Variants in KCNT2 observed in about 807,000 individuals in gnomAD.
KCNT2 encodes the protein potassium sodium-activated channel subfamily T member 2.
In KCNT2, 67 loss-of-function variants were observed where a neutral mutation model predicts 153.8. The observed-to-expected ratio is 0.44, with a 90% CI of 0.36 to 0.53. KCNT2 has a LOEUF of 0.53. KCNT2 is among the 20% of genes least tolerant of loss of function. The pLI, the probability that KCNT2 is intolerant of heterozygous loss-of-function variation, is 0.00. For missense variants in KCNT2, 975 were observed against 1,354.8 expected (o/e 0.72, Z 4.40); for synonymous variants, 500 against 458.8 (o/e 1.09, Z -1.15).
At chr1:196,381,501 A>T (rs1669488338) in intron 13 of KCNT2, among the ~76,000 whole-genome samples, 1 of 152,030 alleles carries the variant, frequency 6.6e-6, no homozygotes, top group Admixed American at 6.6e-5. Context: ...AAGTTCTATG[A>T]TATATATTGT....
intron 16 of KCNT2, among the ~76,000 whole-genome samples, chr1:196,335,714 T>C (rs559966204): frequency 2.8e-4 from 43 of 152,250 alleles, no homozygotes; most frequent in African/African-American, 9.9e-4. Context: ...TTCACTTCCA[T>C]AGTGATTTTT....
chr1:196,567,464 A>AT (rs1260378495), intron 1 of KCNT2, among the ~76,000 whole-genome samples: 7 of 152,164 alleles, frequency 4.6e-5, no homozygotes, highest in South Asian at 4.1e-4. Context: ...CGGATCTTCT[A>AT]TTTTTTCTTT....
At chr1:196,327,417 A>G (rs1663979710) in intron 18 of KCNT2, among the ~76,000 whole-genome samples, 1 of 152,060 alleles carries the variant, frequency 6.6e-6, no homozygotes. Context: ...CAATAATACC[A>G]ACAAAAACAA....
At chr1:196,578,131 T>C (rs951636100) in intron 1 of KCNT2, among the ~76,000 whole-genome samples, 1 of 152,000 alleles carries the variant, frequency 6.6e-6, no homozygotes, top group African/African-American at 2.4e-5. Flanking sequence ...CTATTGATAT[T>C]TTTTAAGTAT....
At chr1:196,577,984 A>C (rs1010995389) in intron 1 of KCNT2, among the ~76,000 whole-genome samples, 1 of 152,130 alleles carries the variant, frequency 6.6e-6, no homozygotes, top group African/African-American at 2.4e-5. Flanking sequence ...TAAAACGTGT[A>C]ATTTTTTTTT....
At chr1:196,308,961 GAGAT>G (rs1354763745) in intron 21 of KCNT2, among the ~76,000 whole-genome samples, 9 of 151,864 alleles carry the variant, frequency 5.9e-5, no homozygotes, top group Admixed American at 5.3e-4. Flanking sequence ...TGGTCTCCAG[GAGAT>G]AGATAAACAC....
At chr1:196,549,033 T>A (rs971796374) in intron 1 of KCNT2, among the ~76,000 whole-genome samples, 3 of 151,886 alleles carry the variant, frequency 2.0e-5, no homozygotes, top group Non-Finnish European at 2.9e-5. Context: ...AGGGATAGCA[T>A]TGGGAGATAT....
intron 14 of KCNT2, among the ~76,000 whole-genome samples, chr1:196,351,875 T>A (rs1240662467): frequency 1.3e-5 from 2 of 152,194 alleles, no homozygotes; most frequent in African/African-American, 4.8e-5. Flanking sequence ...TTGAGATACA[T>A]CCCATCAATA....
At chr1:196,512,825 C>G (rs541220543) in intron 1 of KCNT2, among the ~76,000 whole-genome samples, 1 of 152,210 alleles carries the variant, frequency 6.6e-6, no homozygotes, top group African/African-American at 2.4e-5. Flanking sequence ...AAAATAGCAA[C>G]AAAGTATTTC....
At chr1:196,264,185 A>G (rs1050582952) in intron 25 of KCNT2, among the ~76,000 whole-genome samples, 1 of 152,084 alleles carries the variant, frequency 6.6e-6, no homozygotes, top group Admixed American at 6.6e-5. Flanking sequence ...CTGTTTTATA[A>G]CACTGAATAT....
chr1:196,241,070 G>T (rs1162841202), intron 26 of KCNT2, among the ~76,000 whole-genome samples: 4 of 152,036 alleles, frequency 2.6e-5, no homozygotes, highest in African/African-American at 9.7e-5. Flanking sequence ...GGAAGACAGA[G>T]AAAGAGACTT....
chr1:196,258,741 G>T, intron 25 of KCNT2: 1 of 479,040 alleles, frequency 2.1e-6, no homozygotes, highest in Non-Finnish European at 3.8e-6. Flanking sequence ...TTTTATGAAA[G>T]TATTTAATTT....
intron 14 of KCNT2, among the ~76,000 whole-genome samples, chr1:196,359,806 A>G (rs1667469626): frequency 6.6e-6 from 1 of 152,014 alleles, no homozygotes; most frequent in South Asian, 2.1e-4. Context: ...AAAAAGATGT[A>G]GAAGGCGGAA....
At chr1:196,331,703 G>A (rs1664481170) in intron 17 of KCNT2, among the ~76,000 whole-genome samples, 2 of 152,020 alleles carry the variant, frequency 1.3e-5, no homozygotes. Flanking sequence ...TAAAAAGTTT[G>A]TTAACTCACA....
At chr1:196,251,686 A>G (rs1655984736) in intron 26 of KCNT2, among the ~76,000 whole-genome samples, 1 of 152,030 alleles carries the variant, frequency 6.6e-6, no homozygotes, top group African/African-American at 2.4e-5. Flanking sequence ...AGTATTTGAT[A>G]GCAAAACATG....
At chr1:196,549,983 C>G (rs903512026) in intron 1 of KCNT2, among the ~76,000 whole-genome samples, 12 of 151,888 alleles carry the variant, frequency 7.9e-5, no homozygotes, top group East Asian at 1.9e-4. Context: ...GCCCCAAAGA[C>G]AGACATCATG....
At chr1:196,383,855 A>C (rs1443295428) in intron 13 of KCNT2, among the ~76,000 whole-genome samples, 1 of 152,196 alleles carries the variant, frequency 6.6e-6, no homozygotes, top group African/African-American at 2.4e-5. Context: ...GTCACATGGC[A>C]TGAGTCTGAA....
At chr1:196,380,845 T>C (rs2148366964) in intron 13 of KCNT2, among the ~76,000 whole-genome samples, 1 of 152,320 alleles carries the variant, frequency 6.6e-6, no homozygotes. Context: ...TGCAATCAAG[T>C]GAGTTTTATT....
intron 8 of KCNT2, among the ~76,000 whole-genome samples, chr1:196,449,714 A>G (rs1396414366): frequency 6.6e-6 from 1 of 151,684 alleles, no homozygotes; most frequent in Non-Finnish European, 1.5e-5. Flanking sequence ...AAGAAAAGCA[A>G]TGAATCACAA....
Sources: gnomAD v4.1 joint callset for allele counts (sites outside exome capture counted in the v4.1 genomes callset) on GRCh38, gnomAD v4.1.1 for gene constraint, MANE v1.5 for transcripts, NCBI Gene and HGNC (gene_info 2026-07-23, HGNC 2026-07-21) for gene names.